Variants in GCNT1 observed in about 807,000 individuals in gnomAD.
GCNT1 encodes the protein beta-1,3-galactosyl-O-glycosyl-glycoprotein beta-1,6-N-acetylglucosaminyltransferase.
A neutral mutation model predicts 26.2 loss-of-function variants in GCNT1; 16 were observed. The ratio of observed to expected loss-of-function variants is 0.61; its 90% CI spans 0.41 to 0.93. The LOEUF is 0.93. Ranked by LOEUF, GCNT1 falls within the 40% of genes least tolerant of loss-of-function variation. The pLI, the probability that GCNT1 is intolerant of heterozygous loss-of-function variation, is 0.00. For missense variants in GCNT1, 477 were observed against 526.7 expected (o/e 0.91, Z 0.92); for synonymous variants, 183 against 190.8 (o/e 0.96, Z 0.34).
At position 76,420,977 on chromosome 9, in the gene GCNT1, G is replaced by C. The variant is rs115545210; in HGVS notation, n.38+1090G>C. 8.9e-3 allele frequency among the ~76,000 whole-genome samples: 1,304 copies of C among 145,856 alleles called. 16 individuals carry two copies. Among genetic ancestry groups the C allele is most frequent in the African/African-American group, 0.031 (1,234 of 39,986 alleles). The stretch of plus-strand genomic sequence containing the variant: ...AAAAAAAAAAGAATCCACTATGAAA[G>C]GAAACATTTCATTCTCAAAACAAAC... On this transcript the variant is annotated intron_variant and non_coding_transcript_variant, in intron 1 of 3. Transcript: ENST00000488136.
At chr9:76,464,622 A>G (rs2131597718) in intron 2 of GCNT1, among the ~76,000 whole-genome samples, 1 of 151,724 alleles carries the variant, frequency 6.6e-6, no homozygotes, top group Non-Finnish European at 1.5e-5. Flanking sequence ...ATCATAGCAC[A>G]CTTCAGTTGA....
rs115063817 is a variant in GCNT1, at chr9:76,471,818, A to G, written c.-290+11641A>G. ...TGAGGTAGATTGGTCATGCTCAGTAATATTATTTTGGGTCAAAATAAGATG... is the reference window on the plus strand; with the variant it reads ...TGAGGTAGATTGGTCATGCTCAGTAGTATTATTTTGGGTCAAAATAAGATG... On this transcript the variant is annotated intron_variant, in intron 2 of 3. Transcript: ENST00000376730. 4.8e-3 allele frequency among the ~76,000 whole-genome samples: 736 copies of G among 152,260 alleles called. 14 individuals are homozygous for G. The highest frequency in any genetic ancestry group is 0.017 in the African/African-American group (689 of 41,552).
rs1418972212 is a variant in GCNT1, at chr9:76,434,766, A to C, written n.38+14879A>C. Among the ~76,000 whole-genome samples, 9 of 152,226 alleles carry C rather than the reference A, an allele frequency of 5.9e-5. 1 individual carries two copies. Among genetic ancestry groups the C allele is most frequent in the Non-Finnish European group, 1.3e-4 (9 of 68,038 alleles). ...AAATGGATGTGCAAGTAAGAGAGAT[A>C]TCGCTAAATTCTTTTCCTAGCAAGG... On this transcript the variant is annotated intron_variant and non_coding_transcript_variant, in intron 1 of 3. Coordinates refer to the GCNT1 transcript ENST00000488136.
chr9:76,470,830 A>T (rs1302973870), intron 2 of GCNT1, among the ~76,000 whole-genome samples: 1 of 152,146 alleles, frequency 6.6e-6, no homozygotes, highest in African/African-American at 2.4e-5. Flanking sequence ...TGGTTAGTCC[A>T]AGATTCAGCG....
At chr9:76,407,961 G>T in the GCNT1 span, among the ~76,000 whole-genome samples, 1 of 152,156 alleles carries the variant, frequency 6.6e-6, no homozygotes, top group Non-Finnish European at 1.5e-5. Context: ...CAAATTTTGT[G>T]TGTTAATCTT....
chr9:76,413,591 CT>C, the GCNT1 span, among the ~76,000 whole-genome samples: 1 of 143,546 alleles, frequency 7.0e-6, no homozygotes, highest in African/African-American at 2.5e-5. Context: ...CAAGATATTT[CT>C]TTGTCTTTGA....
the GCNT1 span, among the ~76,000 whole-genome samples, chr9:76,400,458 G>C: frequency 6.6e-6 from 1 of 151,948 alleles, no homozygotes; most frequent in Non-Finnish European, 1.5e-5. Flanking sequence ...CTGCTTTTTC[G>C]TGCTGCTATA....
At chr9:76,401,766 A>G in the GCNT1 span, among the ~76,000 whole-genome samples, 1 of 152,152 alleles carries the variant, frequency 6.6e-6, no homozygotes, top group Non-Finnish European at 1.5e-5. Flanking sequence ...ACAGTGACTC[A>G]CTGCTATAAT....
chr9:76,471,666 A>G (rs1035730611), intron 2 of GCNT1, among the ~76,000 whole-genome samples: 15 of 150,370 alleles, frequency 1.0e-4, no homozygotes, highest in Middle Eastern at 3.2e-3. Context: ...TACCTTTAAC[A>G]TAAGTGTTTT....
At chr9:76,438,188 T>C (rs1397050164), upstream of GCNT1, among the ~76,000 whole-genome samples, 2 of 152,244 alleles carry the variant, frequency 1.3e-5, no homozygotes, top group African/African-American at 4.8e-5. Context: ...CTTGCTTTTA[T>C]ACATTTTAGG....
At position 76,473,441 on chromosome 9, in the gene GCNT1, A is replaced by G. The variant is rs373027149; in HGVS notation, c.-290+13264A>G. 5.9e-5 allele frequency among the ~76,000 whole-genome samples: 9 copies of G among 152,326 alleles called. No homozygotes were observed. In the South Asian group the frequency reaches 1.0e-3, roughly 18 times the overall value. On this transcript the variant is annotated intron_variant, in intron 2 of 3. Coordinates refer to ENST00000376730, the MANE Select transcript of GCNT1 (RefSeq NM_001490.5). ...GATTTTCATTTTTGAAGTCTGAAAA[A>G]GTTACCCTTAGACATGAGCTCAGAT...
chr9:76,462,579 C>T (rs1397821083), intron 2 of GCNT1, among the ~76,000 whole-genome samples: 7 of 152,118 alleles, frequency 4.6e-5, no homozygotes, highest in South Asian at 4.1e-4. Flanking sequence ...AAATGTTCCC[C>T]GGAGAACAAA....
chr9:76,430,307 C>T (rs1389464108), intron 1 of GCNT1, among the ~76,000 whole-genome samples: 1 of 152,050 alleles, frequency 6.6e-6, no homozygotes, highest in Non-Finnish European at 1.5e-5. Context: ...TAAAAAATCT[C>T]ATTATTGTTT....
At chr9:76,464,038 GT>G (rs67210919) in intron 2 of GCNT1, among the ~76,000 whole-genome samples, 46,428 of 129,322 alleles carry the variant, frequency 0.36, 8,066 homozygotes, top group African/African-American at 0.53. Context: ...CTCTTTTTTT[GT>G]TTTTTTTTTT....
At chr9:76,489,799 C>T (rs1181197135) in intron 2 of GCNT1, among the ~76,000 whole-genome samples, 1 of 152,188 alleles carries the variant, frequency 6.6e-6, no homozygotes, top group Admixed American at 6.5e-5. Context: ...GATGACCGCT[C>T]TAGCTAATTC....
At chr9:76,478,161 C>A (rs529952094) in intron 2 of GCNT1, among the ~76,000 whole-genome samples, 2 of 152,308 alleles carry the variant, frequency 1.3e-5, no homozygotes, top group Admixed American at 6.5e-5. Flanking sequence ...CAGCGAGTAG[C>A]GGCAACCTGC....
At chr9:76,454,386 GAAAAAAAAAAAAAAAA>G (rs71372084), upstream of GCNT1, among the ~76,000 whole-genome samples, 3 of 39,606 alleles carry the variant, frequency 7.6e-5, no homozygotes, top group Admixed American at 3.7e-4. Context: ...TCTCAGAAAA[GAAAAAAAAAAAAAAAA>G]AAAAAAAAAA....
At chr9:76,404,890 T>C in the GCNT1 span, among the ~76,000 whole-genome samples, 2 of 151,878 alleles carry the variant, frequency 1.3e-5, no homozygotes, top group Admixed American at 1.3e-4. Context: ...TGACCTCAGC[T>C]CACTGCAATC....
In GCNT1 at chr9:76,504,875, T is replaced by C; in HGVS notation, c.*1207T>C. On this transcript the variant is annotated 3_prime_UTR_variant, in exon 4 of 4. Transcript: ENST00000376730. ...GTGTGCAGTCATTCCACATGGCCTG[T>C]TGGAAGGCCTGGGGAGGGAACTTTG... 2.4e-6 allele frequency: 1 copy of C among 413,430 alleles called. No homozygotes were observed. The highest frequency in any genetic ancestry group is 4.4e-6 in the Non-Finnish European group (1 of 226,132). 25.6% of individuals were successfully genotyped at this position (413,430 alleles called of 1,614,324 possible).
Sources: allele counts gnomAD v4.1 joint callset (sites outside exome capture counted in the v4.1 genomes callset), GRCh38; gene constraint gnomAD v4.1.1; transcripts MANE v1.5; gene names NCBI Gene and HGNC (gene_info 2026-07-23, HGNC 2026-07-21).